The following RALYL variants were observed in gnomAD, a reference collection of about 807,000 sequenced individuals.
The protein encoded by RALYL is RALY RNA binding protein like.
Under a neutral mutation model 35.1 loss-of-function variants are expected in RALYL, and 29 were observed. The ratio of observed to expected loss-of-function variants is 0.83; its 90% CI spans 0.61 to 1.13. The LOEUF is 1.13. Ranked by LOEUF, RALYL falls within the 50% of genes most tolerant of loss-of-function variation. The pLI, the probability that RALYL is intolerant of heterozygous loss-of-function variation, is 0.00. For synonymous variants in RALYL, 120 were observed against 127.6 expected (o/e 0.94, Z 0.40); for missense variants, 359 against 360.4 (o/e 1.00, Z 0.03).
intron 2 of RALYL, among the ~76,000 whole-genome samples, chr8:84,542,811 G>T (rs777626537): frequency 2.0e-5 from 3 of 152,080 alleles, no homozygotes; most frequent in Non-Finnish European, 2.9e-5. Context: ...TGTAAATCTA[G>T]TAACAATCGT....
chr8:84,438,878 A>C (rs937297476), intron 1 of RALYL, among the ~76,000 whole-genome samples: 9 of 152,048 alleles, frequency 5.9e-5, no homozygotes, highest in Non-Finnish European at 1.2e-4. Context: ...GTTTCGTCAA[A>C]GATCAGATGG....
rs1453225508 is a variant in RALYL at position 84,695,110 on chromosome 8, GTT to G, written c.257-79466_257-79465del. Among the ~76,000 whole-genome samples the G allele has an allele frequency of 2.6e-5, 4 of 151,640 alleles. 1 individual carries two copies. Among genetic ancestry groups the G allele is most frequent in the Non-Finnish European group, 4.4e-5 (3 of 67,740 alleles). On this transcript the variant is annotated intron_variant, in intron 2 of 8. Coordinates refer to ENST00000521268, the MANE Select transcript of RALYL (RefSeq NM_173848.7). ...TTGATTTGGTATTTTTATTATAAAA[GTT>G]TTCTTTTTTACATTTTCTGAAGCCA...
At position 84,236,497 on chromosome 8, in the gene RALYL, T is replaced by C. The variant is rs191347582; in HGVS notation, c.-24+52073T>C. Among the ~76,000 whole-genome samples the C allele has an allele frequency of 7.7e-4, 118 of 152,292 alleles. 1 individual carries two copies. Among genetic ancestry groups the C allele is most frequent in the Middle Eastern group, 3.4e-3 (1 of 294 alleles). On this transcript the variant is annotated intron_variant, in intron 1 of 8. Transcript: ENST00000521268. ...CTTGAGTAGTTTGAATCTGCCCATA[T>C]GATAGGCACCTTTTTTATTGTATAA...
At chr8:84,664,163 C>G (rs368163585) in intron 2 of RALYL, among the ~76,000 whole-genome samples, 3 of 151,298 alleles carry the variant, frequency 2.0e-5, no homozygotes, top group Admixed American at 1.3e-4. Flanking sequence ...CTATTATGTT[C>G]CATTGGTCTT....
chr8:84,678,228 T>G (rs987513819), intron 2 of RALYL, among the ~76,000 whole-genome samples: 1 of 152,100 alleles, frequency 6.6e-6, no homozygotes, highest in African/African-American at 2.4e-5. Context: ...AATGACCTCC[T>G]TTGCCCTGCA....
At chr8:84,558,555 G>A (rs917628265) in intron 2 of RALYL, among the ~76,000 whole-genome samples, 15 of 152,044 alleles carry the variant, frequency 9.9e-5, no homozygotes, top group Non-Finnish European at 1.9e-4. Flanking sequence ...TTCTATTTCT[G>A]TTAGCTGAAC....
chr8:84,200,695 A>T (rs745841034), intron 1 of RALYL, among the ~76,000 whole-genome samples: 1 of 152,116 alleles, frequency 6.6e-6, no homozygotes, highest in Non-Finnish European at 1.5e-5. Flanking sequence ...GATCTTGGTG[A>T]TGTATTTTAA....
At chr8:84,780,944 C>T (rs535616382) in intron 3 of RALYL, among the ~76,000 whole-genome samples, 24 of 152,232 alleles carry the variant, frequency 1.6e-4, no homozygotes, top group Admixed American at 5.2e-4. Flanking sequence ...CTGCAACCTC[C>T]GCCTCCCAGG....
At chr8:84,622,799 T>C (rs1821839564) in intron 2 of RALYL, among the ~76,000 whole-genome samples, 1 of 152,086 alleles carries the variant, frequency 6.6e-6, no homozygotes, top group Non-Finnish European at 1.5e-5. Flanking sequence ...CAATACTGTT[T>C]AATTTGAAAA....
intron 2 of RALYL, among the ~76,000 whole-genome samples, chr8:84,591,186 G>A (rs1588385778): frequency 6.6e-6 from 1 of 152,238 alleles, no homozygotes; most frequent in South Asian, 2.1e-4. Flanking sequence ...TTCAAAAACT[G>A]TGAAGAGTCT....
chr8:84,535,372 C>A (rs1267058892), intron 2 of RALYL, among the ~76,000 whole-genome samples: 9 of 151,270 alleles, frequency 5.9e-5, no homozygotes, highest in Admixed American at 4.6e-4. Context: ...AAAAGTTACT[C>A]TCATTGATTT....
intron 2 of RALYL, among the ~76,000 whole-genome samples, chr8:84,722,618 T>TATATATATATATATAC (rs1844163827): frequency 1.6e-5 from 1 of 63,640 alleles, no homozygotes; most frequent in African/African-American, 6.7e-5. Context: ...AGAGTGATTT[T>TATATATATATATATAC]ATATATATAT....
At chr8:84,301,333 A>C (rs1414073832) in intron 1 of RALYL, among the ~76,000 whole-genome samples, 1 of 151,834 alleles carries the variant, frequency 6.6e-6, no homozygotes, top group East Asian at 1.9e-4. Context: ...TTACATGTTG[A>C]CCTTGGAGAA....
chr8:84,236,456 C>T (rs1208872229), intron 1 of RALYL, among the ~76,000 whole-genome samples: 1 of 152,118 alleles, frequency 6.6e-6, no homozygotes, highest in Non-Finnish European at 1.5e-5. Flanking sequence ...CCTTTATTGC[C>T]ATTCAGTGGT....
rs576539904 is a variant in RALYL at position 84,390,921 on chromosome 8, T to C, written c.-23-138378T>C. 2.6e-5 allele frequency among the ~76,000 whole-genome samples: 4 copies of C among 151,962 alleles called. No homozygotes were observed. The South Asian group carries it at 8.3e-4, about 31-fold the overall frequency. ...AATTCTCCAGGAGGGACTGAAGCAGTCATCTCAATGTTCACACGTTCCTCC... is the reference window on the plus strand; with the variant it reads ...AATTCTCCAGGAGGGACTGAAGCAGCCATCTCAATGTTCACACGTTCCTCC... On this transcript the variant is annotated intron_variant, in intron 1 of 8. Transcript: ENST00000521268.
intron 1 of RALYL, among the ~76,000 whole-genome samples, chr8:84,214,060 G>A (rs539088181): frequency 1.6e-4 from 25 of 152,158 alleles, no homozygotes; most frequent in African/African-American, 6.0e-4. Flanking sequence ...TCTCTGCTAT[G>A]GCTGTGGTTC....
intron 1 of RALYL, among the ~76,000 whole-genome samples, chr8:84,426,434 C>CCCTGTGTG (rs2046444016): frequency 1.5e-5 from 1 of 64,634 alleles, no homozygotes; most frequent in African/African-American, 4.4e-5. Flanking sequence ...TTCTCTCTCT[C>CCCTGTGTG]TCTCTGTGTG....
At chr8:84,225,471 T>C (rs1666046043) in intron 1 of RALYL, among the ~76,000 whole-genome samples, 2 of 152,206 alleles carry the variant, frequency 1.3e-5, no homozygotes, top group African/African-American at 4.8e-5. Context: ...ACTTGGCTCC[T>C]GCTTATCTCT....
chr8:84,565,821 A>G (rs1323065678), intron 2 of RALYL, among the ~76,000 whole-genome samples: 1 of 151,680 alleles, frequency 6.6e-6, no homozygotes, highest in Non-Finnish European at 1.5e-5. Context: ...TTTTCTGAGC[A>G]TCCTCAACTT....
Sources: gnomAD v4.1 joint callset for allele counts (sites outside exome capture counted in the v4.1 genomes callset) on GRCh38, gnomAD v4.1.1 for gene constraint, MANE v1.5 for transcripts, NCBI Gene and HGNC (gene_info 2026-07-23, HGNC 2026-07-21) for gene names.